DGKB: variants seen among roughly 807,000 people sequenced by gnomAD.
DGKB encodes diacylglycerol kinase beta.
A neutral mutation model predicts 114.3 loss-of-function variants in DGKB; 67 were observed. That is an observed-to-expected ratio of 0.59 (90% CI 0.48 to 0.72). The LOEUF (loss-of-function observed/expected upper bound fraction) is 0.72. Among genes scored for constraint, DGKB ranks in the 30% least tolerant of loss-of-function variants. The pLI is 0.00. For missense variants in DGKB, 907 were observed against 975.2 expected, an observed-to-expected ratio of 0.93 and a Z score of 0.93; for synonymous variants, 398 against 323.1, an observed-to-expected ratio of 1.23 and a Z score of -2.49.
chr7:14,562,789 C>T (rs1407370820), intron 20 of DGKB, among the ~76,000 whole-genome samples: 2 of 152,048 alleles, frequency 1.3e-5, no homozygotes, highest in African/African-American at 2.4e-5. Context: ...AAGGGACTTG[C>T]CTTGTTTTAG....
At chr7:14,411,156 C>G (rs1327647740) in intron 21 of DGKB, among the ~76,000 whole-genome samples, 1 of 152,104 alleles carries the variant, frequency 6.6e-6, no homozygotes, top group Non-Finnish European at 1.5e-5. Flanking sequence ...ATGAGATATT[C>G]AACACCGTTA....
At chr7:14,607,838 T>C (rs894382852) in intron 16 of DGKB, among the ~76,000 whole-genome samples, 3 of 128,310 alleles carry the variant, frequency 2.3e-5, no homozygotes, top group East Asian at 7.6e-4. Context: ...TTCAAATAAA[T>C]GTATTTTTTT....
chr7:14,399,094 C>T (rs774534816), intron 21 of DGKB, among the ~76,000 whole-genome samples: 3 of 151,388 alleles, frequency 2.0e-5, no homozygotes, highest in Admixed American at 6.6e-5. Flanking sequence ...CATATGTATC[C>T]GAGTTGAATT....
intron 23 of DGKB, among the ~76,000 whole-genome samples, chr7:14,180,611 G>C (rs748498679): frequency 3.9e-5 from 6 of 152,130 alleles, no homozygotes; most frequent in Non-Finnish European, 7.3e-5. Flanking sequence ...CATTCAGGGA[G>C]AGAAAACAAA....
intron 14 of DGKB, 50 bp from the exon 15 acceptor site, chr7:14,621,544 A>T: frequency 8.9e-7 from 1 of 1,122,126 alleles, no homozygotes; most frequent in South Asian, 1.4e-5. Context: ...AAATAACATA[A>T]TAAAATGTTA....
chr7:14,838,377 C>A (rs1411129716), intron 2 of DGKB, among the ~76,000 whole-genome samples: 1 of 152,064 alleles, frequency 6.6e-6, no homozygotes, highest in Non-Finnish European at 1.5e-5. Flanking sequence ...AATACAGGAA[C>A]TTTTCTTATA....
chr7:14,633,513 T>A (rs922614377), intron 13 of DGKB, among the ~76,000 whole-genome samples: 1 of 151,906 alleles, frequency 6.6e-6, no homozygotes, highest in Non-Finnish European at 1.5e-5. Flanking sequence ...CCTGTTACAA[T>A]GAGCAAACCA....
At position 14,586,685 on chromosome 7, in the gene DGKB, G is replaced by A. The variant is rs541091505; in HGVS notation, c.1434-3548C>T. ...GGGCTAATGAGGCTGATGACTTTAA[G>A]TTGAAGCCAATGCTCATTTGCCATT... On this transcript the variant is annotated intron_variant, in intron 17 of 25. Coordinates refer to ENST00000402815, the MANE Select transcript of DGKB (RefSeq NM_001350709.2). 2.0e-5 allele frequency among the ~76,000 whole-genome samples: 3 copies of A among 152,180 alleles called. No homozygotes were observed. In the East Asian group the frequency reaches 5.8e-4, roughly 29 times the overall value.
chr7:14,600,388 C>T (rs999532729), intron 17 of DGKB, among the ~76,000 whole-genome samples: 2 of 152,166 alleles, frequency 1.3e-5, no homozygotes, highest in African/African-American at 4.8e-5. Flanking sequence ...TCTGCTCTCC[C>T]AAAATTTATG....
At chr7:14,567,944 G>C (rs775763933) in intron 20 of DGKB, among the ~76,000 whole-genome samples, 1 of 151,394 alleles carries the variant, frequency 6.6e-6, no homozygotes, top group Non-Finnish European at 1.5e-5. Context: ...CATAACCCTA[G>C]AGCCTGAAAA....
intron 2 of DGKB, among the ~76,000 whole-genome samples, chr7:14,777,604 G>C (rs1169050950): frequency 1.3e-5 from 2 of 152,090 alleles, no homozygotes; most frequent in African/African-American, 4.8e-5. Flanking sequence ...GGGCATGTTT[G>C]CTTCTCCTTC....
chr7:14,250,686 T>C (rs2128389425), intron 23 of DGKB, among the ~76,000 whole-genome samples: 1 of 152,324 alleles, frequency 6.6e-6, no homozygotes, highest in South Asian at 2.1e-4. Flanking sequence ...AGAAGCCCAC[T>C]GTTTCCTTAT....
upstream of DGKB, among the ~76,000 whole-genome samples, chr7:14,906,447 CTTTT>C (rs34250901): frequency 1.9e-5 from 2 of 103,878 alleles, no homozygotes; most frequent in Non-Finnish European, 3.9e-5. Flanking sequence ...TTTTTTCTGT[CTTTT>C]TTTTTTTTTT....
intron 1 of DGKB, among the ~76,000 whole-genome samples, chr7:14,923,852 G>A (rs901631944): frequency 1.3e-5 from 2 of 151,778 alleles, no homozygotes; most frequent in Non-Finnish European, 2.9e-5. Context: ...AAAATTAGCC[G>A]GGTGTGGTGG....
intron 20 of DGKB, among the ~76,000 whole-genome samples, chr7:14,489,074 C>T (rs999362136): frequency 6.6e-6 from 1 of 151,988 alleles, no homozygotes. Context: ...CAAGAAAATA[C>T]TTAACAAAAA....
intron 21 of DGKB, among the ~76,000 whole-genome samples, chr7:14,424,233 C>T (rs1371219536): frequency 1.3e-5 from 2 of 151,808 alleles, no homozygotes; most frequent in African/African-American, 4.8e-5. Context: ...TCCTCATTCT[C>T]CCTGCCCAGT....
At chr7:14,510,909 G>C (rs1563361989) in intron 20 of DGKB, among the ~76,000 whole-genome samples, 1 of 152,110 alleles carries the variant, frequency 6.6e-6, no homozygotes, top group Non-Finnish European at 1.5e-5. Context: ...ATAATATTTT[G>C]AAAGGAATCT....
rs1041222443 is a variant in DGKB, at chr7:14,320,512, CACATATATATATGTACCGCATATGCGGT to C, written c.2122+17975_2122+18002del. 1.2e-4 allele frequency among the ~76,000 whole-genome samples: 19 copies of C among 152,044 alleles called. No individual in the cohort carries two copies. The South Asian group carries it at 2.7e-3, about 22-fold the overall frequency. ...CATCAACTCCACAAAGCATCTTTTC[CACATATATATATGTACCGCATATGCGGT>C]ACATATATGTACTATATAGTACATA... On this transcript the variant is annotated intron_variant, in intron 23 of 25. Transcript: ENST00000402815.
chr7:14,419,426 C>T (rs1472437672), intron 21 of DGKB, among the ~76,000 whole-genome samples: 26 of 151,786 alleles, frequency 1.7e-4, no homozygotes, highest in Non-Finnish European at 5.9e-5. Context: ...GAGATATAAA[C>T]TTTGCAAAAC....
Sources: allele counts gnomAD v4.1 joint callset (sites outside exome capture counted in the v4.1 genomes callset), GRCh38; gene constraint gnomAD v4.1.1; transcripts MANE v1.5; gene names NCBI Gene and HGNC (gene_info 2026-07-23, HGNC 2026-07-21).